The following STK32B variants were observed in gnomAD, a reference collection of about 807,000 sequenced individuals.
The protein encoded by STK32B is serine/threonine kinase 32B.
STK32B carries 43 observed loss-of-function variants against 52.6 expected under a neutral mutation model. The observed-to-expected ratio is 0.82, with a 90% CI of 0.64 to 1.05. STK32B has a LOEUF of 1.05. Among genes scored for constraint, STK32B ranks in the 50% least tolerant of loss-of-function variants. The pLI, the probability that STK32B is intolerant of heterozygous loss-of-function variation, is 0.00. For missense variants in STK32B, 621 were observed against 534.6 expected (o/e 1.16, Z -1.59); for synonymous variants, 238 against 204.3 (o/e 1.17, Z -1.41).
chr4:5,370,984 ATG>A (rs149501017), intron 4 of STK32B, among the ~76,000 whole-genome samples: 1 of 145,316 alleles, frequency 6.9e-6, no homozygotes, highest in Admixed American at 6.9e-5. Flanking sequence ...ATATATATAT[ATG>A]TGTGTGTGTG....
intron 5 of STK32B, among the ~76,000 whole-genome samples, chr4:5,413,148 C>T (rs1251119793): frequency 6.6e-6 from 1 of 152,120 alleles, no homozygotes; most frequent in East Asian, 1.9e-4. Flanking sequence ...CTGTTAAGCC[C>T]TATAACTACC....
intron 4 of STK32B, among the ~76,000 whole-genome samples, chr4:5,387,526 G>C (rs195139): frequency 0.82 from 125,040 of 152,102 alleles, 51,947 homozygotes; most frequent in East Asian, 0.88. Context: ...AAACTGAGAG[G>C]TGACGGGTGC....
At position 5,052,024 on chromosome 4, in the gene STK32B, G is replaced by T. The variant is rs961303474; in HGVS notation, c.52+109G>T. On this transcript the variant is annotated intron_variant, in intron 1 of 11. Transcript: ENST00000282908. ...CATGCTGCCCGGCGCGGGGACCCAG[G>T]CATGGCCACTTCGCCCAGCGAATGC... 2.7e-6 allele frequency: 4 copies of T among 1,480,746 alleles called. No individual in the cohort carries two copies. The African/African-American group carries it at 5.7e-5, about 21-fold the overall frequency. The allele number at this position is 1,480,746 out of a possible 1,614,324, so 91.7% of individuals were successfully genotyped here.
intron 11 of STK32B, among the ~76,000 whole-genome samples, chr4:5,487,405 C>A (rs1560455725): frequency 6.6e-6 from 1 of 152,134 alleles, no homozygotes; most frequent in Non-Finnish European, 1.5e-5. Context: ...AATTATAATA[C>A]AATTATAATA....
At chr4:5,304,877 G>T (rs28818586) in intron 3 of STK32B, among the ~76,000 whole-genome samples, 1 of 151,830 alleles carries the variant, frequency 6.6e-6, no homozygotes, top group African/African-American at 2.4e-5. Context: ...TGCTGATTTT[G>T]TTGAGGTTTT....
At chr4:5,310,977 A>G (rs1011931727) in intron 3 of STK32B, among the ~76,000 whole-genome samples, 2 of 152,210 alleles carry the variant, frequency 1.3e-5, no homozygotes, top group African/African-American at 4.8e-5. Flanking sequence ...ATGTTTACAC[A>G]TGAGCTAAAA....
At chr4:5,048,791 T>G (rs1741665381), upstream of STK32B, among the ~76,000 whole-genome samples, 1 of 152,246 alleles carries the variant, frequency 6.6e-6, no homozygotes, top group Non-Finnish European at 1.5e-5. Context: ...TTAGCCTATT[T>G]GTGCCCCAGT....
At chr4:5,402,767 T>C (rs879822) in intron 5 of STK32B, among the ~76,000 whole-genome samples, 26,391 of 152,082 alleles carry the variant, frequency 0.17, 2,504 homozygotes, top group Admixed American at 0.27. Context: ...ATGTAAACAA[T>C]TGATGATGAC....
intron 4 of STK32B, among the ~76,000 whole-genome samples, chr4:5,354,814 T>G (rs1216452358): frequency 1.3e-5 from 2 of 152,068 alleles, no homozygotes; most frequent in Non-Finnish European, 2.9e-5. Context: ...CATAAATAGG[T>G]CAAATATGTA....
At chr4:5,083,199 G>A (rs570872407) in intron 1 of STK32B, among the ~76,000 whole-genome samples, 5 of 152,050 alleles carry the variant, frequency 3.3e-5, no homozygotes, top group Admixed American at 6.5e-5. Flanking sequence ...TTAAGACTTT[G>A]TTTGGATAGA....
At chr4:5,247,267 C>T (rs559348716) in intron 3 of STK32B, among the ~76,000 whole-genome samples, 1 of 152,316 alleles carries the variant, frequency 6.6e-6, no homozygotes, top group Non-Finnish European at 1.5e-5. Flanking sequence ...CAAGCCTGAG[C>T]AATGGTGGGT....
intron 1 of STK32B, among the ~76,000 whole-genome samples, chr4:5,117,333 A>C (rs576624200): frequency 6.6e-6 from 1 of 152,252 alleles, no homozygotes; most frequent in African/African-American, 2.4e-5. Flanking sequence ...TAATTTGTTG[A>C]AAGTTTTTAT....
At chr4:5,155,534 C>T (rs555872360) in intron 2 of STK32B, among the ~76,000 whole-genome samples, 86 of 152,224 alleles carry the variant, frequency 5.6e-4, no homozygotes, top group African/African-American at 1.9e-3. Context: ...GCATACCCAC[C>T]GATATGGTTT....
intron 6 of STK32B, among the ~76,000 whole-genome samples, chr4:5,420,407 A>G (rs1712526527): frequency 2.0e-5 from 3 of 152,126 alleles, no homozygotes. Context: ...CTGCCTTGAG[A>G]TTCAAGAGAG....
At chr4:5,084,976 G>A (rs867222675) in intron 1 of STK32B, among the ~76,000 whole-genome samples, 9 of 152,114 alleles carry the variant, frequency 5.9e-5, no homozygotes, top group South Asian at 2.1e-4. Context: ...TAAAAGTGTC[G>A]AGAAAAGCAC....
At chr4:5,245,522 A>G (rs995930512) in intron 3 of STK32B, among the ~76,000 whole-genome samples, 1 of 152,116 alleles carries the variant, frequency 6.6e-6, no homozygotes, top group Non-Finnish European at 1.5e-5. Context: ...TTGAGTCTTT[A>G]TCCAATTTGC....
chr4:5,260,592 C>G (rs769304727), intron 3 of STK32B, among the ~76,000 whole-genome samples: 4 of 152,226 alleles, frequency 2.6e-5, no homozygotes, highest in Admixed American at 2.0e-4. Flanking sequence ...TTTGAAAGGG[C>G]CTTCTGGAAA....
At chr4:5,163,348 A>T (rs1077366) in intron 2 of STK32B, among the ~76,000 whole-genome samples, 41,181 of 152,022 alleles carry the variant, frequency 0.27, 5,817 homozygotes, top group Admixed American at 0.36. Context: ...GTCAAGCCTT[A>T]CAGTAGAAAC....
At chr4:5,352,336 A>G (rs1733880580) in intron 4 of STK32B, among the ~76,000 whole-genome samples, 1 of 152,132 alleles carries the variant, frequency 6.6e-6, no homozygotes, top group Non-Finnish European at 1.5e-5. Flanking sequence ...AAAATTAAGG[A>G]GGAAAAACAA....
Sources: allele counts gnomAD v4.1 joint callset (sites outside exome capture counted in the v4.1 genomes callset), GRCh38; gene constraint gnomAD v4.1.1; transcripts MANE v1.5; gene names NCBI Gene and HGNC (gene_info 2026-07-23, HGNC 2026-07-21).